GMPR: variants seen among roughly 807,000 people sequenced by gnomAD.
The protein encoded by GMPR is GMP reductase 1.
A neutral mutation model predicts 38.4 loss-of-function variants in GMPR; 31 were observed. The observed-to-expected ratio is 0.81, with a 90% CI of 0.61 to 1.09. GMPR has a LOEUF of 1.09. GMPR is among the 50% of genes least tolerant of loss of function. GMPR has a pLI of 0.00. For synonymous variants in GMPR, 162 were observed against 173.3 expected, an observed-to-expected ratio of 0.93 and a Z score of 0.51; for missense variants, 468 against 453.7, an observed-to-expected ratio of 1.03 and a Z score of -0.29.
intron 4 of GMPR, among the ~76,000 whole-genome samples, chr6:16,265,791 C>A (rs912750311): frequency 3.3e-5 from 5 of 152,224 alleles, no homozygotes; most frequent in Non-Finnish European, 7.3e-5. Flanking sequence ...CTGGAGCCAG[C>A]CCGGATAACC....
In GMPR at chr6:16,284,836, G is replaced by A. The variant is rs139900072; in HGVS notation, c.655-957G>A. ...GGAGCTCAAGACCAGCCAGGCCAAC[G>A]TGGCGAAATCCCGTCTCTACTAAAA... On this transcript the variant is annotated intron_variant, in intron 6 of 8. Coordinates refer to ENST00000259727, the MANE Select transcript of GMPR (RefSeq NM_006877.4). 2.8e-4 allele frequency among the ~76,000 whole-genome samples: 43 copies of A among 152,022 alleles called. No individual in the cohort carries two copies. In the East Asian group the frequency reaches 7.3e-3, roughly 26 times the overall value.
At chr6:16,266,553 G>A (rs769172541) in intron 4 of GMPR, among the ~76,000 whole-genome samples, 2 of 151,060 alleles carry the variant, frequency 1.3e-5, no homozygotes, top group African/African-American at 2.4e-5. Context: ...CTGTAATCCT[G>A]GCACTTTGGG....
intron 2 of GMPR, among the ~76,000 whole-genome samples, chr6:16,249,149 AGTT>A (rs1292320081): frequency 6.7e-6 from 1 of 150,258 alleles, no homozygotes; most frequent in East Asian, 1.9e-4. Flanking sequence ...CCCGCCATGC[AGTT>A]GTTACATTTT....
chr6:16,286,323 A>G (rs1202339251), intron 7 of GMPR, among the ~76,000 whole-genome samples: 2 of 151,980 alleles, frequency 1.3e-5, no homozygotes, highest in Non-Finnish European at 2.9e-5. Context: ...GGAGGGCAGC[A>G]GGTCCTGAGC....
intron 5 of GMPR, among the ~76,000 whole-genome samples, chr6:16,274,953 G>A (rs573032091): frequency 1.3e-5 from 2 of 152,280 alleles, no homozygotes; most frequent in South Asian, 4.1e-4. Context: ...CCATGGCCTA[G>A]GTAATGATCA....
At chr6:16,281,567 A>G (rs747041774) in intron 6 of GMPR, among the ~76,000 whole-genome samples, 5 of 151,924 alleles carry the variant, frequency 3.3e-5, no homozygotes, top group African/African-American at 4.8e-5. Flanking sequence ...GTGCAGTGGC[A>G]TGATCTCAGC....
At chr6:16,266,104 CTTGCCATCT>C (rs1561826875) in intron 4 of GMPR, among the ~76,000 whole-genome samples, 3 of 59,564 alleles carry the variant, frequency 5.0e-5, no homozygotes, top group Non-Finnish European at 1.1e-4. Context: ...AGCTGTAACA[CTTGCCATCT>C]TTAAGAGCTG....
intron 4 of GMPR, chr6:16,262,914 G>A (rs1365659579): frequency 6.6e-6 from 1 of 152,056 alleles, no homozygotes; most frequent in Non-Finnish European, 1.5e-5. Flanking sequence ...TTGCTGGGCA[G>A]GTGGGGAGGG....
intron 1 of GMPR, among the ~76,000 whole-genome samples, chr6:16,246,251 T>C (rs1490591165): frequency 1.3e-5 from 2 of 152,092 alleles, no homozygotes; most frequent in African/African-American, 4.8e-5. Context: ...TGCAGGAGAA[T>C]TGGAGCCCCC....
Position 16,238,660 on chromosome 6 carries a change from C to T in GMPR, c.-34C>T, listed in dbSNP as rs558324868. On this transcript the variant is annotated 5_prime_UTR_variant, in exon 1 of 9. Transcript: ENST00000259727. Reference sequence around the variant, plus strand: ...CCCCGCGCAGGCGCCCCCGCCCCGCCGTCGCCGCCGCCGCAGCCAGGAGCC... The same window carrying T: ...CCCCGCGCAGGCGCCCCCGCCCCGCTGTCGCCGCCGCCGCAGCCAGGAGCC... 30 of 1,149,788 alleles carry T rather than the reference C, an allele frequency of 2.6e-5. No individual in the cohort carries two copies. Among genetic ancestry groups the T allele is most frequent in the Middle Eastern group, 6.7e-4 (2 of 2,974 alleles). 71.2% of individuals were successfully genotyped at this position (1,149,788 alleles called of 1,614,324 possible).
Position 16,295,164 on chromosome 6 carries a change from A to G in GMPR, c.1016A>G (p.Gln339Arg). ...RRATFIRVTQ[Q>R]HNTVFS ...GCAACATTCATCCGGGTGACCCAGC[A>G]GCACAACACCGTGTTCAGCTAACCC... The change falls in exon 9 of 9, where the codon CAG becomes CGG. Residue 339 changes from glutamine to arginine, a missense_variant. Gln to Arg is a conservative substitution (Grantham distance 43). Coordinates refer to ENST00000259727, the MANE Select transcript of GMPR (RefSeq NM_006877.4). The G allele has an allele frequency of 5.2e-6, 8 of 1,542,406 alleles. No homozygotes were observed. The highest frequency in any genetic ancestry group is 6.9e-6 in the Non-Finnish European group (8 of 1,151,412).
intron 2 of GMPR, 52 bp from the exon 3 acceptor site, chr6:16,250,232 A>AG (rs1284105051): frequency 1.1e-5 from 10 of 916,298 alleles, no homozygotes; most frequent in Middle Eastern, 2.1e-4. Flanking sequence ...TGGAGGAGGG[A>AG]GGGGGGCTCT....
chr6:16,287,322 G>A (rs1759705470), intron 7 of GMPR, among the ~76,000 whole-genome samples: 3 of 152,216 alleles, frequency 2.0e-5, no homozygotes. Flanking sequence ...ACTCTTTTGT[G>A]TTGCCTCACA....
rs76054436 is a variant in GMPR, at chr6:16,291,853, G to T, written c.857+1232G>T. Among the ~76,000 whole-genome samples, 890 of 151,742 alleles carry T rather than the reference G, an allele frequency of 5.9e-3. 7 individuals carry two copies. The highest frequency in any genetic ancestry group is 0.02 in the African/African-American group (845 of 41,334). ...TTAAGCCCAGGAGTTGGAGGCTGCAGTGAGCTATGATCGTGCCACTGTGCT... is the reference window on the plus strand; with the variant it reads ...TTAAGCCCAGGAGTTGGAGGCTGCATTGAGCTATGATCGTGCCACTGTGCT... On this transcript the variant is annotated intron_variant, in intron 8 of 8. Coordinates refer to ENST00000259727, the MANE Select transcript of GMPR (RefSeq NM_006877.4).
Position 16,274,508 on chromosome 6 carries a change from T to G in GMPR, c.547+12T>G, listed in dbSNP as rs45472698. 0.012 allele frequency: 17,192 copies of G among 1,493,884 alleles called. 129 individuals carry two copies. Among genetic ancestry groups the G allele is most frequent in the Non-Finnish European group, 0.013 (14,123 of 1,070,306 alleles). 92.5% of individuals were successfully genotyped at this position (1,493,884 alleles called of 1,614,324 possible). A position where few individuals can be genotyped will look rare whatever the true frequency, so the allele number is the denominator to read the frequency against. On this transcript the variant is annotated intron_variant, in intron 5 of 8. Coordinates refer to ENST00000259727, the MANE Select transcript of GMPR (RefSeq NM_006877.4). ...GGGAGTTGGACCAGGTAAGACTTGT[T>G]AGGAGCACAGCAGAGGACGTGTGTG...
intron 4 of GMPR, 145 bp downstream of exon 4, chr6:16,254,880 G>A (rs1287113311): frequency 1.7e-6 from 1 of 592,974 alleles, no homozygotes; most frequent in South Asian, 2.7e-5. Context: ...ATTTGGGAAA[G>A]GATAGGTAGC....
In GMPR at chr6:16,264,032, A is replaced by G. The variant is rs908993126; in HGVS notation, c.465+9297A>G. 2.0e-5 allele frequency among the ~76,000 whole-genome samples: 3 copies of G among 152,024 alleles called. No homozygotes were observed. In the South Asian group the frequency reaches 6.2e-4, roughly 32 times the overall value. ...CTTGCCCCTTCCCCAGAAAAGCAGG[A>G]CTTGCCGCTAAGGGTGAAGGACCAA... On this transcript the variant is annotated intron_variant, in intron 4 of 8. Coordinates refer to ENST00000259727, the MANE Select transcript of GMPR (RefSeq NM_006877.4).
chr6:16,256,089 G>T (rs906215496), intron 4 of GMPR, among the ~76,000 whole-genome samples: 2 of 151,886 alleles, frequency 1.3e-5, no homozygotes, highest in African/African-American at 4.8e-5. Context: ...GATGGCGGGT[G>T]CCTGTAATCC....
intron 7 of GMPR, among the ~76,000 whole-genome samples, chr6:16,286,128 A>G (rs1759673014): frequency 6.6e-6 from 1 of 151,942 alleles, no homozygotes; most frequent in Non-Finnish European, 1.5e-5. Context: ...GTCCAAGGGG[A>G]TGGTGCCAGG....
Sources: gnomAD v4.1 joint callset for allele counts (sites outside exome capture counted in the v4.1 genomes callset) on GRCh38, gnomAD v4.1.1 for gene constraint, MANE v1.5 for transcripts, NCBI Gene and HGNC (gene_info 2026-07-23, HGNC 2026-07-21) for gene names.